The following LEP variants were observed in gnomAD, a reference collection of about 807,000 sequenced individuals.
LEP encodes the protein leptin.
A neutral mutation model predicts 9.8 loss-of-function variants in LEP; 6 were observed. The observed-to-expected ratio is 0.61, with a 90% CI of 0.34 to 1.21. The LOEUF (loss-of-function observed/expected upper bound fraction) is 1.21. Among genes scored for constraint, LEP ranks in the 50% most tolerant of loss-of-function variants. The probability of loss-of-function intolerance (pLI) is 0.04; values close to 1 mark genes in which losing one functional copy is unlikely to be tolerated. For synonymous variants in LEP, 112 were observed against 81.7 expected (o/e 1.37, Z -2.00); for missense variants, 134 against 198.1 (o/e 0.68, Z 1.94).
chr7:128,245,126 C>T (rs931624885), intron 1 of LEP, among the ~76,000 whole-genome samples: 1 of 152,062 alleles, frequency 6.6e-6, no homozygotes, highest in African/African-American at 2.4e-5. Context: ...CAGACTTAAG[C>T]CCGCAAAATT....
At chr7:128,241,634 C>T (rs566092459) in intron 1 of LEP, among the ~76,000 whole-genome samples, 9 of 152,204 alleles carry the variant, frequency 5.9e-5, no homozygotes, top group Admixed American at 3.3e-4. Context: ...TTGGGCACAT[C>T]CCCAAAGATC....
In LEP at chr7:128,254,839, A is replaced by C; in HGVS notation, c.*76A>C. The C allele has an allele frequency of 6.6e-7, 1 of 1,518,708 alleles. No individual in the cohort carries two copies. The highest frequency in any genetic ancestry group is 9.0e-7 in the Non-Finnish European group (1 of 1,112,340). 94.1% of individuals were successfully genotyped at this position (1,518,708 alleles called of 1,614,324 possible). A position where few individuals can be genotyped will look rare whatever the true frequency, so the allele number is the denominator to read the frequency against. On this transcript the variant is annotated 3_prime_UTR_variant, in exon 3 of 3. Coordinates refer to ENST00000308868, the MANE Select transcript of LEP (RefSeq NM_000230.3). ...TGGCTTCCAGGTATCTCCAGGATTG[A>C]AGAGCATTGCATGGACACCCCTTAT... is the stretch of plus-strand genomic sequence containing the variant.
intron 2 of LEP, among the ~76,000 whole-genome samples, chr7:128,253,895 T>C (rs1412424957): frequency 6.6e-6 from 1 of 152,026 alleles, no homozygotes; most frequent in Non-Finnish European, 1.5e-5. Flanking sequence ...GGCAGATGGA[T>C]GGGGAGAGCC....
chr7:128,257,555 G>A lies in LEP; in HGVS notation c.*2792G>A, dbSNP rs939351416. The A allele has an allele frequency of 1.2e-4, 17 of 138,184 alleles. No homozygotes were observed. Among genetic ancestry groups the A allele is most frequent in the African/African-American group, 3.2e-4 (12 of 38,018 alleles). 8.6% of individuals were successfully genotyped at this position (138,184 alleles called of 1,614,324 possible). A position where few individuals can be genotyped will look rare whatever the true frequency, so the allele number is the denominator to read the frequency against. On this transcript the variant is annotated 3_prime_UTR_variant, in exon 3 of 3. Coordinates refer to ENST00000308868, the MANE Select transcript of LEP (RefSeq NM_000230.3). ...CTGCACTCCGGCCTGATGACAGAGC[G>A]AGATTCCGTCTTAAAAAAAAAAAAA... is the stretch of plus-strand genomic sequence containing the variant.
At chr7:128,252,990 C>A (rs139962194) in intron 2 of LEP, among the ~76,000 whole-genome samples, 1 of 152,204 alleles carries the variant, frequency 6.6e-6, no homozygotes, top group Non-Finnish European at 1.5e-5. Context: ...CAGGCCTCAG[C>A]GATTAGCTGA....
rs555803469 is a variant in LEP, at chr7:128,245,488, C to CT, written c.-29+4186dup. ...CGCTGCCTTTATTTCCTCCTTTGTT[C>CT]TTTTCTCATCCCCAAGTCCCTTCCA... On this transcript the variant is annotated intron_variant, in intron 1 of 2. Transcript: ENST00000308868. Among the ~76,000 whole-genome samples, 22 of 152,268 alleles carry CT rather than the reference C, an allele frequency of 1.4e-4. No individual in the cohort carries two copies. The South Asian group carries it at 4.6e-3, about 32-fold the overall frequency.
At chr7:128,243,406 C>T (rs1039654486) in intron 1 of LEP, among the ~76,000 whole-genome samples, 1 of 152,168 alleles carries the variant, frequency 6.6e-6, no homozygotes, top group African/African-American at 2.4e-5. Flanking sequence ...GCAGAGAAGA[C>T]GGGAGGGCAG....
chr7:128,242,849 G>A (rs1020797852), intron 1 of LEP, among the ~76,000 whole-genome samples: 8 of 152,190 alleles, frequency 5.3e-5, no homozygotes, highest in African/African-American at 2.4e-5. Context: ...CACGGAACCT[G>A]GGTCAATGTC....
chr7:128,249,378 T>G (rs775741612), intron 1 of LEP, among the ~76,000 whole-genome samples: 4 of 152,196 alleles, frequency 2.6e-5, no homozygotes, highest in Non-Finnish European at 5.9e-5. Context: ...TAAGGTGAGG[T>G]CTTTGTCCTC....
chr7:128,252,012 A>G lies in LEP; in HGVS notation c.-7A>G, dbSNP rs1341519508. 2.5e-6 allele frequency: 4 copies of G among 1,614,216 alleles called. No homozygotes were observed. Among genetic ancestry groups the G allele is most frequent in the Non-Finnish European group, 3.4e-6 (4 of 1,180,032 alleles). ...TCAGGCCCAAGAAGCCCATCCTGGG[A>G]AGGAAAATGCATTGGGGAACCCTGT... On this transcript the variant is annotated 5_prime_UTR_variant, in exon 2 of 3. Transcript: ENST00000308868.
At chr7:128,250,624 A>G (rs888639981) in intron 1 of LEP, among the ~76,000 whole-genome samples, 1 of 152,198 alleles carries the variant, frequency 6.6e-6, no homozygotes, top group Non-Finnish European at 1.5e-5. Context: ...CATGGCTTTG[A>G]TCAAACATTA....
At chr7:128,242,157 T>TA (rs1448887493) in intron 1 of LEP, among the ~76,000 whole-genome samples, 3 of 152,214 alleles carry the variant, frequency 2.0e-5, no homozygotes, top group African/African-American at 7.2e-5. Flanking sequence ...ACTCCTTAAA[T>TA]ACAGTTAGGT....
At chr7:128,254,255 G>T in intron 2 of LEP, 149 bp from the exon 3 acceptor site, 1 of 975,590 alleles carries the variant, frequency 1.0e-6, no homozygotes, top group Non-Finnish European at 1.6e-6. Context: ...CCTGGGTGCA[G>T]GATACAAGGG....
In LEP at chr7:128,254,932, C is replaced by CT; in HGVS notation, c.*173dup. On this transcript the variant is annotated 3_prime_UTR_variant, in exon 3 of 3. Coordinates refer to ENST00000308868, the MANE Select transcript of LEP (RefSeq NM_000230.3). ...CCAAAGGCATAAGACCCTAAGCCTC[C>CT]TTTTGCTTGAAACCAAAGATATATA... The CT allele has an allele frequency of 1.4e-6, 1 of 733,798 alleles. No individual in the cohort carries two copies. Among genetic ancestry groups the CT allele is most frequent in the South Asian group, 1.6e-5 (1 of 62,888 alleles). The allele number at this position is 733,798 out of a possible 1,614,324, so 45.5% of individuals were successfully genotyped here.
intron 2 of LEP, among the ~76,000 whole-genome samples, chr7:128,254,127 C>T (rs1795307394): frequency 6.6e-6 from 1 of 152,184 alleles, no homozygotes; most frequent in Non-Finnish European, 1.5e-5. Flanking sequence ...ATGGCTGGTT[C>T]TTCAGCAGAG....
chr7:128,248,000 G>A (rs910980134), intron 1 of LEP, among the ~76,000 whole-genome samples: 48 of 152,166 alleles, frequency 3.2e-4, no homozygotes, highest in African/African-American at 9.9e-4. Flanking sequence ...TTGGCCAGGC[G>A]CAGTGGCTCA....
chr7:128,245,955 G>A lies in LEP; in HGVS notation c.-29+4649G>A, dbSNP rs11980266. 5.9e-3 allele frequency among the ~76,000 whole-genome samples: 891 copies of A among 152,016 alleles called. 7 individuals carry two copies. Among genetic ancestry groups the A allele is most frequent in the African/African-American group, 0.02 (842 of 41,458 alleles). ...TGGGCGCCTGTATTTCCAGCTACCCGGGAGGCTGAGGAGGCTGAGGCAGGA... is the reference window on the plus strand; with the variant it reads ...TGGGCGCCTGTATTTCCAGCTACCCAGGAGGCTGAGGAGGCTGAGGCAGGA... On this transcript the variant is annotated intron_variant, in intron 1 of 2. Coordinates refer to ENST00000308868, the MANE Select transcript of LEP (RefSeq NM_000230.3).
intron 1 of LEP, among the ~76,000 whole-genome samples, chr7:128,251,574 A>G (rs182123400): frequency 6.6e-6 from 1 of 152,334 alleles, no homozygotes; most frequent in East Asian, 1.9e-4. Flanking sequence ...AGATAGATAT[A>G]TTACAGGGAT....
rs780990529 is a variant in LEP, at chr7:128,254,527, C to A, written c.268C>A (p.Pro90Thr). 2.5e-6 allele frequency: 4 copies of A among 1,614,192 alleles called. No homozygotes were observed. The highest frequency in any genetic ancestry group is 3.4e-6 in the Non-Finnish European group (4 of 1,180,030). Residue 90 changes from proline (P) to threonine (T), a missense_variant, in exon 3 of 3, where the codon CCT becomes ACT. Coordinates refer to ENST00000308868, the MANE Select transcript of LEP (RefSeq NM_000230.3). Reference sequence around the variant, plus strand: ...CTACCAACAGATCCTCACCAGTATGCCTTCCAGAAACGTGATCCAAATATC... The same window carrying A: ...CTACCAACAGATCCTCACCAGTATGACTTCCAGAAACGTGATCCAAATATC... Reference protein sequence around the residue: ...AVYQQILTSMPSRNVIQISND... With the variant: ...AVYQQILTSMTSRNVIQISND...
Sources: allele counts gnomAD v4.1 joint callset (sites outside exome capture counted in the v4.1 genomes callset), GRCh38; gene constraint gnomAD v4.1.1; transcripts MANE v1.5; gene names NCBI Gene and HGNC (gene_info 2026-07-23, HGNC 2026-07-21).